The following SYN2 variants were observed in gnomAD, a reference collection of about 807,000 sequenced individuals.
SYN2 encodes the protein synapsin II.
A neutral mutation model predicts 50.9 loss-of-function variants in SYN2; 19 were observed. The ratio of observed to expected loss-of-function variants is 0.37; its 90% CI spans 0.26 to 0.55. The LOEUF is 0.55. SYN2 is among the 20% of genes least tolerant of loss of function. The pLI is 0.81. For synonymous variants in SYN2, 255 were observed against 224.9 expected (o/e 1.13, Z -1.20); for missense variants, 587 against 576.4 (o/e 1.02, Z -0.19).
chr3:12,126,035 A>C (rs879312979), intron 1 of SYN2, among the ~76,000 whole-genome samples: 1 of 152,232 alleles, frequency 6.6e-6, no homozygotes, highest in Non-Finnish European at 1.5e-5. Context: ...GAAGATAGTC[A>C]TATACCAAAA....
At chr3:12,086,454 G>A (rs1021615558) in intron 1 of SYN2, among the ~76,000 whole-genome samples, 1 of 152,050 alleles carries the variant, frequency 6.6e-6, no homozygotes, top group Admixed American at 6.5e-5. Context: ...GAACATAGAC[G>A]CAAAAATCCT....
intron 1 of SYN2, among the ~76,000 whole-genome samples, chr3:12,072,735 C>T (rs895666274): frequency 6.6e-6 from 1 of 152,132 alleles, no homozygotes; most frequent in Middle Eastern, 3.2e-3. Flanking sequence ...GTTTTTCTAT[C>T]ATGGGTCCAT....
At chr3:12,050,726 T>G (rs1694841070) in intron 1 of SYN2, among the ~76,000 whole-genome samples, 1 of 72,522 alleles carries the variant, frequency 1.4e-5, no homozygotes, top group African/African-American at 9.9e-5. Flanking sequence ...TTTTTTTTTT[T>G]TTTTTTTTTT....
At chr3:12,144,163 C>T (rs1697091394) in intron 3 of SYN2, among the ~76,000 whole-genome samples, 1 of 152,146 alleles carries the variant, frequency 6.6e-6, no homozygotes, top group African/African-American at 2.4e-5. Flanking sequence ...GGGCCGTGGT[C>T]CTCTGGAATA....
rs572379785 is a variant in SYN2 at position 12,007,068 on chromosome 3, A to T, written c.377+2140A>T. On this transcript the variant is annotated intron_variant, in intron 1 of 12. Coordinates refer to ENST00000621198, the MANE Select transcript of SYN2 (RefSeq NM_133625.6). ...ACTGATACTTATTTGTATGGGTATG[A>T]TGAAGCTGCTGCAGATTTCTGTTTA... Among the ~76,000 whole-genome samples the T allele has an allele frequency of 4.6e-5, 7 of 152,326 alleles. No homozygotes were observed. The East Asian group carries it at 1.4e-3, about 29-fold the overall frequency.
At chr3:12,025,480 T>C (rs1485209287) in intron 1 of SYN2, among the ~76,000 whole-genome samples, 1 of 152,146 alleles carries the variant, frequency 6.6e-6, no homozygotes, top group African/African-American at 2.4e-5. Context: ...ATCAAGGTAA[T>C]CTCATGTAGA....
chr3:12,057,611 G>A (rs1367065965), intron 1 of SYN2, among the ~76,000 whole-genome samples: 1 of 152,010 alleles, frequency 6.6e-6, no homozygotes, highest in African/African-American at 2.4e-5. Flanking sequence ...TAGAAAGTTG[G>A]CTTTATATTT....
intron 4 of SYN2, among the ~76,000 whole-genome samples, chr3:12,147,004 G>A (rs1290245177): frequency 6.6e-6 from 1 of 152,122 alleles, no homozygotes; most frequent in African/African-American, 2.4e-5. Context: ...AAAAGGCTAG[G>A]ATCCAGACCC....
chr3:12,078,951 C>T (rs1473461865), intron 1 of SYN2, among the ~76,000 whole-genome samples: 1 of 152,134 alleles, frequency 6.6e-6, no homozygotes, highest in Non-Finnish European at 1.5e-5. Flanking sequence ...GGATGTTTTT[C>T]CATTTGTTTG....
chr3:12,143,591 C>A (rs1697078483), intron 3 of SYN2, among the ~76,000 whole-genome samples: 1 of 152,088 alleles, frequency 6.6e-6, no homozygotes, highest in Non-Finnish European at 1.5e-5. Context: ...CCTCCAGCTC[C>A]ATCTTTGTTG....
intron 1 of SYN2, among the ~76,000 whole-genome samples, chr3:12,137,265 A>T (rs888323616): frequency 6.7e-6 from 1 of 149,932 alleles, no homozygotes; most frequent in African/African-American, 2.4e-5. Context: ...AAAAAAAAAA[A>T]GTCCGTACTG....
intron 5 of SYN2, chr3:12,153,360 C>T: frequency 1.2e-6 from 1 of 858,428 alleles, no homozygotes; most frequent in East Asian, 2.5e-5. Flanking sequence ...AAGTCATGGC[C>T]CCTTCCCTGC....
chr3:12,044,615 C>T (rs1694696739), intron 1 of SYN2, among the ~76,000 whole-genome samples: 1 of 152,070 alleles, frequency 6.6e-6, no homozygotes, highest in African/African-American at 2.4e-5. Flanking sequence ...GAGTCTTGGT[C>T]ATTTACTTTT....
chr3:12,086,966 T>C (rs1695714349), intron 1 of SYN2, among the ~76,000 whole-genome samples: 1 of 152,038 alleles, frequency 6.6e-6, no homozygotes, highest in African/African-American at 2.4e-5. Flanking sequence ...TCCTAAAGAC[T>C]CCACCAAAAA....
intron 1 of SYN2, among the ~76,000 whole-genome samples, chr3:12,021,730 G>A (rs1166149487): frequency 3.3e-5 from 5 of 152,070 alleles, no homozygotes; most frequent in Admixed American, 2.0e-4. Flanking sequence ...TTGGGTGTTC[G>A]TTCCAACTTG....
At chr3:12,149,856 C>G (rs745503722) in intron 4 of SYN2, among the ~76,000 whole-genome samples, 3 of 152,112 alleles carry the variant, frequency 2.0e-5, no homozygotes, top group Admixed American at 2.0e-4. Flanking sequence ...AGTTTGATAG[C>G]AGAGTTTGGG....
chr3:12,143,143 CAG>C (rs1165050730), intron 3 of SYN2, among the ~76,000 whole-genome samples: 1 of 152,128 alleles, frequency 6.6e-6, no homozygotes, highest in Non-Finnish European at 1.5e-5. Flanking sequence ...GGTAGGAACT[CAG>C]GGGCTGGCCA....
chr3:12,185,353 C>CA (rs1466787512), intron 11 of SYN2: 21 of 985,614 alleles, frequency 2.1e-5, no homozygotes, highest in Non-Finnish European at 2.4e-5. Flanking sequence ...TTTCATGTGT[C>CA]ATTTGTGAGC....
chr3:12,186,399 T>C (rs1401125147), intron 11 of SYN2, among the ~76,000 whole-genome samples: 1 of 152,204 alleles, frequency 6.6e-6, no homozygotes, highest in African/African-American at 2.4e-5. Flanking sequence ...GAGGACCTTT[T>C]TCCTCTCCAG....
Sources: allele counts gnomAD v4.1 joint callset (sites outside exome capture counted in the v4.1 genomes callset), GRCh38; gene constraint gnomAD v4.1.1; transcripts MANE v1.5; gene names NCBI Gene and HGNC (gene_info 2026-07-23, HGNC 2026-07-21).